The following ITGB5 variants were observed in gnomAD, a reference collection of about 807,000 sequenced individuals.
ITGB5 encodes integrin beta-5.
A neutral mutation model predicts 84.8 loss-of-function variants in ITGB5; 38 were observed. The ratio of observed to expected loss-of-function variants is 0.45; its 90% CI spans 0.35 to 0.59. The LOEUF (loss-of-function observed/expected upper bound fraction) is 0.59. Ranked by LOEUF, ITGB5 falls within the 20% of genes least tolerant of loss-of-function variation. The pLI is 0.01. For synonymous variants in ITGB5, 393 were observed against 414.4 expected, an observed-to-expected ratio of 0.95 and a Z score of 0.63; for missense variants, 905 against 1,034.5, an observed-to-expected ratio of 0.87 and a Z score of 1.72.
At chr3:124,841,746 A>T (rs2065014901) in intron 4 of ITGB5, among the ~76,000 whole-genome samples, 195 bp from the exon 5 acceptor site, 1 of 152,238 alleles carries the variant, frequency 6.6e-6, no homozygotes. Context: ...ATCAGCCCTA[A>T]ACTGCAGGCA....
chr3:124,827,971 A>G (rs1312588967), intron 5 of ITGB5, among the ~76,000 whole-genome samples: 3 of 150,950 alleles, frequency 2.0e-5, no homozygotes, highest in African/African-American at 7.3e-5. Flanking sequence ...AATCTTATAA[A>G]ACAGCACCCC....
At chr3:124,882,996 G>A (rs1346082896) in intron 1 of ITGB5, among the ~76,000 whole-genome samples, 2 of 152,144 alleles carry the variant, frequency 1.3e-5, no homozygotes, top group Non-Finnish European at 2.9e-5. Flanking sequence ...CATTTATAGA[G>A]GCCATTAATC....
At chr3:124,824,539 A>G (rs909693935) in intron 5 of ITGB5, among the ~76,000 whole-genome samples, 2 of 152,256 alleles carry the variant, frequency 1.3e-5, no homozygotes, top group Non-Finnish European at 2.9e-5. Context: ...TCATCAAAAC[A>G]AAAACTTATT....
At chr3:124,840,261 A>C (rs2064992387) in intron 5 of ITGB5, among the ~76,000 whole-genome samples, 1 of 152,214 alleles carries the variant, frequency 6.6e-6, no homozygotes, top group Non-Finnish European at 1.5e-5. Context: ...TGCCCTCACC[A>C]AATGGAAGAG....
chr3:124,873,004 A>G (rs577261508), intron 2 of ITGB5, among the ~76,000 whole-genome samples: 1 of 151,670 alleles, frequency 6.6e-6, no homozygotes, highest in Non-Finnish European at 1.5e-5. Flanking sequence ...AAATAAAATC[A>G]TTCCATAAAG....
rs1477013538 is a variant in ITGB5, at chr3:124,762,534, T to C, written c.*1089A>G. 6.6e-6 allele frequency: 1 copy of C among 152,206 alleles called. No individual in the cohort carries two copies. Among genetic ancestry groups the C allele is most frequent in the Non-Finnish European group, 1.5e-5 (1 of 68,030 alleles). 9.4% of individuals were successfully genotyped at this position (152,206 alleles called of 1,614,324 possible). A position where few individuals can be genotyped will look rare whatever the true frequency, so the allele number is the denominator to read the frequency against. On this transcript the variant is annotated 3_prime_UTR_variant, in exon 15 of 15. Transcript: ENST00000296181. Reference sequence around the variant, plus strand: ...CGGGAAAAAAGCTCAAATGTGTTTTTTTGCATTGGGCCTGCATGGGACGTA... The same window carrying C: ...CGGGAAAAAAGCTCAAATGTGTTTTCTTGCATTGGGCCTGCATGGGACGTA...
At chr3:124,862,483 A>G (rs1172468520) in intron 2 of ITGB5, 1 of 152,196 alleles carries the variant, frequency 6.6e-6, no homozygotes, top group Non-Finnish European at 1.5e-5. Flanking sequence ...TCCTGCTCAA[A>G]GGGATTTTTG....
intron 4 of ITGB5, among the ~76,000 whole-genome samples, chr3:124,846,445 A>C (rs1703904550): frequency 6.8e-6 from 1 of 147,108 alleles, no homozygotes; most frequent in South Asian, 2.2e-4. Flanking sequence ...AAAAACCAAC[A>C]AAAAAAAAAC....
chr3:124,870,405 C>T (rs191305232), intron 2 of ITGB5, among the ~76,000 whole-genome samples: 1 of 152,318 alleles, frequency 6.6e-6, no homozygotes, highest in East Asian at 1.9e-4. Context: ...AAGCGCCATT[C>T]AGGAATACAG....
At chr3:124,865,336 C>T (rs2065370364) in intron 2 of ITGB5, among the ~76,000 whole-genome samples, 1 of 152,100 alleles carries the variant, frequency 6.6e-6, no homozygotes. Flanking sequence ...CTTGCAGATG[C>T]TCCCCATGCT....
At chr3:124,818,492 A>G (rs1437892213) in intron 7 of ITGB5, among the ~76,000 whole-genome samples, 2 of 141,914 alleles carry the variant, frequency 1.4e-5, no homozygotes, top group Non-Finnish European at 3.0e-5. Flanking sequence ...GTTATTTGTA[A>G]GTGCATAGGC....
At chr3:124,881,280 G>T (rs1934554590) in intron 1 of ITGB5, among the ~76,000 whole-genome samples, 1 of 152,100 alleles carries the variant, frequency 6.6e-6, no homozygotes, top group Non-Finnish European at 1.5e-5. Context: ...CACCCTGCCT[G>T]GCCAAATCTT....
intron 10 of ITGB5, among the ~76,000 whole-genome samples, chr3:124,786,741 C>T (rs931610194): frequency 6.6e-6 from 1 of 152,178 alleles, no homozygotes; most frequent in Non-Finnish European, 1.5e-5. Flanking sequence ...ATGACAGACA[C>T]TCACCCCAAA....
At chr3:124,812,243 C>T (rs2064515564) in intron 8 of ITGB5, among the ~76,000 whole-genome samples, 1 of 152,142 alleles carries the variant, frequency 6.6e-6, no homozygotes, top group Non-Finnish European at 1.5e-5. Flanking sequence ...CCTAAAATTC[C>T]ATTAACTCCT....
At chr3:124,767,740 C>T (rs1173209693) in intron 12 of ITGB5, among the ~76,000 whole-genome samples, 3 of 152,164 alleles carry the variant, frequency 2.0e-5, no homozygotes, top group Non-Finnish European at 4.4e-5. Flanking sequence ...ACACAGTAGG[C>T]GCTCAACGAA....
chr3:124,888,457 G>C (rs894944253), upstream of ITGB5, among the ~76,000 whole-genome samples: 9 of 152,134 alleles, frequency 5.9e-5, no homozygotes, highest in African/African-American at 1.9e-4. Flanking sequence ...GCTTGGATTC[G>C]CTACAAGTGC....
intron 11 of ITGB5, among the ~76,000 whole-genome samples, chr3:124,773,149 C>T (rs1319779612): frequency 6.6e-6 from 1 of 152,104 alleles, no homozygotes; most frequent in Non-Finnish European, 1.5e-5. Context: ...TCAAGTGATC[C>T]ACCCGTCTTG....
intron 2 of ITGB5, among the ~76,000 whole-genome samples, chr3:124,861,785 C>T (rs1328367653): frequency 6.6e-6 from 1 of 152,192 alleles, no homozygotes; most frequent in Non-Finnish European, 1.5e-5. Flanking sequence ...TGGCCTCGAT[C>T]TCCTGACCTT....
chr3:124,830,281 C>T (rs1400337000), intron 5 of ITGB5, among the ~76,000 whole-genome samples: 1 of 152,212 alleles, frequency 6.6e-6, no homozygotes, highest in African/African-American at 2.4e-5. Context: ...CAGTTTTTCC[C>T]TGGTCTCGGT....
Sources: gnomAD v4.1 joint callset for allele counts (sites outside exome capture counted in the v4.1 genomes callset) on GRCh38, gnomAD v4.1.1 for gene constraint, MANE v1.5 for transcripts, NCBI Gene and HGNC (gene_info 2026-07-23, HGNC 2026-07-21) for gene names.